CLVS1: variants seen among roughly 807,000 people sequenced by gnomAD.
CLVS1 encodes clavesin-1.
A neutral mutation model predicts 33.1 loss-of-function variants in CLVS1; 10 were observed. The ratio of observed to expected loss-of-function variants is 0.30; its 90% CI spans 0.19 to 0.51. The LOEUF is 0.51. CLVS1 is among the 20% of genes least tolerant of loss of function. The pLI is 0.97. For missense variants in CLVS1, 343 were observed against 433.4 expected (o/e 0.79, Z 1.85); for synonymous variants, 163 against 166.1 (o/e 0.98, Z 0.14).
chr8:61,004,379 G>C, the CLVS1 span, among the ~76,000 whole-genome samples: 1 of 152,210 alleles, frequency 6.6e-6, no homozygotes, highest in Non-Finnish European at 1.5e-5. Context: ...AAGGAATGCA[G>C]GCAGCCAGGT....
chr8:61,294,177 G>A (rs896243427), intron 1 of CLVS1, among the ~76,000 whole-genome samples: 6 of 152,034 alleles, frequency 3.9e-5, no homozygotes, highest in Non-Finnish European at 7.4e-5. Flanking sequence ...TGAGGGCACC[G>A]GTACTCAGAG....
intron 2 of CLVS1, among the ~76,000 whole-genome samples, chr8:61,247,711 T>C (rs939795327): frequency 2.6e-5 from 4 of 152,224 alleles, no homozygotes; most frequent in African/African-American, 9.6e-5. Flanking sequence ...GTCAGATGCA[T>C]AGTTTGCAAA....
chr8:61,038,772 T>C, the CLVS1 span, among the ~76,000 whole-genome samples: 2 of 152,162 alleles, frequency 1.3e-5, no homozygotes, highest in African/African-American at 2.4e-5. Flanking sequence ...GGACCCACTT[T>C]ATAGAGAAAT....
Position 61,123,271 on chromosome 8 carries a change from A to AAATAATAATAATAAT in CLVS1, c.-242-8487_-242-8473dup, listed in dbSNP as rs58959777. 1.3e-3 allele frequency among the ~76,000 whole-genome samples: 184 copies of AAATAATAATAATAAT among 146,960 alleles called. 13 individuals carry two copies. Among genetic ancestry groups the AAATAATAATAATAAT allele is most frequent in the African/African-American group, 4.6e-3 (182 of 39,578 alleles). Reference sequence around the variant, plus strand: ...GAAACAAGAGTGAAACTCTGTCTCAAAATAATAATAATAATAATAATAATA... The same window carrying AAATAATAATAATAAT: ...GAAACAAGAGTGAAACTCTGTCTCAAAATAATAATAATAATAATAATAATAATAATAATAATAATA... On this transcript the variant is annotated intron_variant, in intron 1 of 2. Transcript: ENST00000522621.
intron 2 of CLVS1, among the ~76,000 whole-genome samples, chr8:61,139,027 C>T (rs990403643): frequency 4.6e-5 from 7 of 152,284 alleles, no homozygotes; most frequent in African/African-American, 1.7e-4. Flanking sequence ...CTGCTAGAAG[C>T]ACCCGCGCTG....
At chr8:61,210,360 G>A (rs1021589739) in intron 2 of CLVS1, among the ~76,000 whole-genome samples, 1 of 152,188 alleles carries the variant, frequency 6.6e-6, no homozygotes, top group Non-Finnish European at 1.5e-5. Flanking sequence ...CTTGGTCTTG[G>A]ACCCCCAGGC....
chr8:61,055,883 A>G (rs940028926), upstream of CLVS1, among the ~76,000 whole-genome samples: 1 of 152,234 alleles, frequency 6.6e-6, no homozygotes, highest in African/African-American at 2.4e-5. Flanking sequence ...GCTCTCCTCC[A>G]TGATATGGTT....
chr8:61,054,605 C>G (rs1376899777), upstream of CLVS1, among the ~76,000 whole-genome samples: 1 of 152,002 alleles, frequency 6.6e-6, no homozygotes, highest in South Asian at 2.1e-4. Context: ...ATACTTGGTG[C>G]ACAGGCCCAT....
intron 2 of CLVS1, among the ~76,000 whole-genome samples, chr8:61,154,403 A>G (rs923419317): frequency 1.3e-5 from 2 of 152,186 alleles, no homozygotes; most frequent in African/African-American, 4.8e-5. Flanking sequence ...ATCAGAAACA[A>G]TCATGACATA....
chr8:61,100,402 G>A (rs1056598050), intron 1 of CLVS1, among the ~76,000 whole-genome samples: 1 of 152,144 alleles, frequency 6.6e-6, no homozygotes, highest in East Asian at 1.9e-4. Flanking sequence ...TTAGAACTTC[G>A]AATAATGCCC....
chr8:61,106,490 C>T (rs1224584647), intron 1 of CLVS1, among the ~76,000 whole-genome samples: 2 of 152,174 alleles, frequency 1.3e-5, no homozygotes, highest in Non-Finnish European at 2.9e-5. Context: ...ACAAGCTGGA[C>T]GGTGGGGCAG....
At chr8:61,065,310 G>T (rs1292689987) in intron 1 of CLVS1, among the ~76,000 whole-genome samples, 1 of 152,178 alleles carries the variant, frequency 6.6e-6, no homozygotes, top group Non-Finnish European at 1.5e-5. Context: ...AAAAAAGTCT[G>T]TGTATGTTCA....
chr8:61,162,703 T>A (rs1218677150), intron 2 of CLVS1, among the ~76,000 whole-genome samples: 1 of 139,742 alleles, frequency 7.2e-6, no homozygotes, highest in Non-Finnish European at 1.5e-5. Context: ...ATGGCCTTTG[T>A]TTTCCTTTGT....
chr8:61,174,476 A>G (rs1276147209), intron 2 of CLVS1, among the ~76,000 whole-genome samples: 2 of 151,968 alleles, frequency 1.3e-5, no homozygotes, highest in African/African-American at 4.8e-5. Context: ...AACAAAAACC[A>G]TATATTTTAA....
chr8:60,975,909 T>C, the CLVS1 span, among the ~76,000 whole-genome samples: 3 of 152,188 alleles, frequency 2.0e-5, no homozygotes, highest in African/African-American at 4.8e-5. Flanking sequence ...AAGATGGAGA[T>C]ACCACAAGCC....
intron 2 of CLVS1, among the ~76,000 whole-genome samples, chr8:61,190,339 C>T (rs912801992): frequency 6.6e-6 from 1 of 152,154 alleles, no homozygotes; most frequent in Non-Finnish European, 1.5e-5. Context: ...AACAAACACA[C>T]AACATACCAT....
the CLVS1 span, among the ~76,000 whole-genome samples, chr8:61,035,187 C>CTTTTTT: frequency 8.5e-5 from 11 of 129,410 alleles, no homozygotes; most frequent in Non-Finnish European, 1.3e-4. Flanking sequence ...TTTCTTTTTT[C>CTTTTTT]TTTTTTTTTT....
intron 2 of CLVS1, chr8:61,264,843 G>C (rs1809274352): frequency 6.6e-6 from 1 of 152,130 alleles, no homozygotes; most frequent in Admixed American, 6.5e-5. Flanking sequence ...GTGGGAATTG[G>C]GGTTTCTGAA....
chr8:61,220,514 T>A (rs372173259), intron 2 of CLVS1, among the ~76,000 whole-genome samples: 2 of 152,004 alleles, frequency 1.3e-5, no homozygotes, highest in African/African-American at 4.8e-5. Flanking sequence ...CTCCATTTGT[T>A]TATATGTCTG....
Sources: allele counts gnomAD v4.1 joint callset (sites outside exome capture counted in the v4.1 genomes callset), GRCh38; gene constraint gnomAD v4.1.1; transcripts MANE v1.5; gene names NCBI Gene and HGNC (gene_info 2026-07-23, HGNC 2026-07-21).